USP37: variants seen among roughly 807,000 people sequenced by gnomAD.
The protein encoded by USP37 is ubiquitin specific peptidase 37.
A neutral mutation model predicts 124.0 loss-of-function variants in USP37; 27 were observed. The observed-to-expected ratio is 0.22, with a 90% CI of 0.16 to 0.30. The LOEUF (loss-of-function observed/expected upper bound fraction) is 0.30, where lower values mean the gene tolerates loss of function less well. USP37 is among the 10% of genes least tolerant of loss of function. The pLI is 1.00. For missense variants in USP37, 889 were observed against 1,140.4 expected (o/e 0.78, Z 3.17); for synonymous variants, 365 against 388.0 (o/e 0.94, Z 0.70).
intron 3 of USP37, among the ~76,000 whole-genome samples, chr2:218,559,724 G>T (rs559450366): frequency 6.6e-6 from 1 of 152,128 alleles, no homozygotes; most frequent in Non-Finnish European, 1.5e-5. Flanking sequence ...AAAAATGGCC[G>T]GACACAGTGG....
intron 1 of USP37, among the ~76,000 whole-genome samples, 169 bp from the exon 2 acceptor site, chr2:218,562,982 G>A (rs1011900944): frequency 6.6e-6 from 1 of 152,074 alleles, no homozygotes. Context: ...TGACCAACAT[G>A]GAGAAACCCC....
At chr2:218,558,245 G>A (rs184401470) in intron 4 of USP37, among the ~76,000 whole-genome samples, 95 of 152,226 alleles carry the variant, frequency 6.2e-4, no homozygotes, top group African/African-American at 2.2e-3. Flanking sequence ...TACAGTATCC[G>A]AACTCTTGTC....
At chr2:218,525,544 G>C (rs1206071242) in intron 10 of USP37, among the ~76,000 whole-genome samples, 1 of 152,080 alleles carries the variant, frequency 6.6e-6, no homozygotes, top group Admixed American at 6.6e-5. Flanking sequence ...ATTTAGCTAG[G>C]TATAGAAGTT....
At chr2:218,489,260 A>G (rs1475322407) in intron 14 of USP37, among the ~76,000 whole-genome samples, 7 of 150,042 alleles carry the variant, frequency 4.7e-5, no homozygotes, top group African/African-American at 1.7e-4. Context: ...TGGGAGGCTG[A>G]GGCAGGAGAA....
chr2:218,549,727 G>A, intron 6 of USP37, 82 bp downstream of exon 6: 1 of 1,353,118 alleles, frequency 7.4e-7, no homozygotes, highest in South Asian at 1.3e-5. Flanking sequence ...GGCCTCCCAA[G>A]TGCTGGGATT....
intron 10 of USP37, among the ~76,000 whole-genome samples, chr2:218,519,041 A>G (rs1163141756): frequency 6.6e-6 from 1 of 152,232 alleles, no homozygotes; most frequent in Non-Finnish European, 1.5e-5. Context: ...TGGTCTGACT[A>G]AAAAATATAG....
intron 10 of USP37, among the ~76,000 whole-genome samples, chr2:218,520,715 T>C (rs1194139705): frequency 2.0e-5 from 3 of 152,214 alleles, no homozygotes; most frequent in African/African-American, 7.2e-5. Flanking sequence ...CCAACCAAAG[T>C]CCATATATTA....
chr2:218,464,340 CAATTCTTGTGCCT>C (rs533675074), intron 21 of USP37, among the ~76,000 whole-genome samples: 168 of 152,180 alleles, frequency 1.1e-3, no homozygotes, highest in Middle Eastern at 0.01. Context: ...CGGGTTCAAG[CAATTCTTGTGCCT>C]CAGCCTCCTT....
chr2:218,526,351 T>A (rs926255537), intron 10 of USP37, among the ~76,000 whole-genome samples: 20 of 151,936 alleles, frequency 1.3e-4, no homozygotes, highest in African/African-American at 3.6e-4. Context: ...CCTGCTTCAG[T>A]CTCCTGAGTA....
chr2:218,532,731 C>G (rs1691404442), intron 9 of USP37, among the ~76,000 whole-genome samples: 1 of 151,878 alleles, frequency 6.6e-6, no homozygotes, highest in African/African-American at 2.4e-5. Flanking sequence ...GAGCTGGGGA[C>G]CAGCCTGGGC....
At chr2:218,526,288 G>A (rs1153107) in intron 10 of USP37, among the ~76,000 whole-genome samples, 1 of 151,950 alleles carries the variant, frequency 6.6e-6, no homozygotes, top group African/African-American at 2.4e-5. Flanking sequence ...TTAGAGTGCA[G>A]TGGTGCAATC....
At chr2:218,485,869 CTG>C (rs748768958) in intron 15 of USP37, 126 bp from the exon 16 acceptor site, 192 of 1,038,286 alleles carry the variant, frequency 1.8e-4, no homozygotes, top group Non-Finnish European at 2.4e-4. Context: ...TTTAAAAATT[CTG>C]TGTCTAGAGC....
intron 16 of USP37, among the ~76,000 whole-genome samples, chr2:218,485,048 T>C (rs542512128): frequency 2.0e-5 from 3 of 152,290 alleles, no homozygotes; most frequent in South Asian, 4.1e-4. Context: ...TGCAAAAAAT[T>C]ACTCCCTGTT....
At chr2:218,551,845 T>G (rs1268171192) in intron 5 of USP37, among the ~76,000 whole-genome samples, 1 of 151,794 alleles carries the variant, frequency 6.6e-6, no homozygotes, top group East Asian at 1.9e-4. Context: ...CAGGCTGGAG[T>G]GCAGTGGCGC....
chr2:218,479,618 C>CA (rs757866697), intron 18 of USP37, 32 bp downstream of exon 18: 1 of 1,590,136 alleles, frequency 6.3e-7, no homozygotes, highest in South Asian at 1.1e-5. Context: ...ACCTTAAACA[C>CA]AGATTTTGGG....
chr2:218,463,448 G>A, intron 21 of USP37, 82 bp from the exon 22 acceptor site: 3 of 1,267,230 alleles, frequency 2.4e-6, no homozygotes, highest in Non-Finnish European at 1.1e-6. Context: ...CAGTTTCTCT[G>A]GAAGCATTTG....
chr2:218,470,030 C>G (rs2106414814), intron 20 of USP37, among the ~76,000 whole-genome samples: 1 of 152,066 alleles, frequency 6.6e-6, no homozygotes, highest in East Asian at 1.9e-4. Flanking sequence ...CCATGTTAGC[C>G]AGGATGGTCT....
Position 218,470,056 on chromosome 2 carries a change from G to A in USP37, c.2300-3880C>T, listed in dbSNP as rs962434283. 2.6e-4 allele frequency among the ~76,000 whole-genome samples: 40 copies of A among 151,798 alleles called. 1 individual carries two copies. Among genetic ancestry groups the A allele is most frequent in the African/African-American group, 6.0e-4 (25 of 41,326 alleles). ...AGGATGGTCTCGATCTCCTGACCTC[G>A]TGATCCACCCACCTCAGCCTCCCAA... On this transcript the variant is annotated intron_variant, in intron 20 of 25. Transcript: ENST00000258399.
intron 10 of USP37, among the ~76,000 whole-genome samples, chr2:218,526,785 C>CTTTTTTTTTTTTTTTTTT (rs71064454): frequency 6.6e-5 from 5 of 75,934 alleles, no homozygotes; most frequent in African/African-American, 1.7e-4. Context: ...ATTTCATTTG[C>CTTTTTTTTTTTTTTTTTT]TTTTTTTTTT....
Sources: allele counts gnomAD v4.1 joint callset (sites outside exome capture counted in the v4.1 genomes callset), GRCh38; gene constraint gnomAD v4.1.1; transcripts MANE v1.5; gene names NCBI Gene and HGNC (gene_info 2026-07-23, HGNC 2026-07-21).